The following C12orf42 variants were observed in gnomAD, a reference collection of about 807,000 sequenced individuals.
The protein encoded by C12orf42 is chromosome 12 open reading frame 42, also known as uncharacterized protein C12orf42.
C12orf42 carries 25 observed loss-of-function variants against 21.6 expected under a neutral mutation model. That is an observed-to-expected ratio of 1.16 (90% CI 0.84 to 1.62). The LOEUF is 1.62. Among genes scored for constraint, C12orf42 ranks in the 40% most tolerant of loss-of-function variants. The probability of loss-of-function intolerance (pLI) is 0.00; values close to 1 mark genes in which losing one functional copy is unlikely to be tolerated. For synonymous variants in C12orf42, 174 were observed against 175.0 expected, an observed-to-expected ratio of 0.99 and a Z score of 0.05; for missense variants, 483 against 459.3, an observed-to-expected ratio of 1.05 and a Z score of -0.47.
chr12:103,520,180 G>T, the C12orf42 span, among the ~76,000 whole-genome samples: 1 of 152,054 alleles, frequency 6.6e-6, no homozygotes, highest in African/African-American at 2.4e-5. Flanking sequence ...CCCTTATAAG[G>T]GAACAAACTA....
At chr12:103,526,978 G>A in the C12orf42 span, among the ~76,000 whole-genome samples, 1 of 152,172 alleles carries the variant, frequency 6.6e-6, no homozygotes, top group Non-Finnish European at 1.5e-5. Context: ...CAGGCTGTCT[G>A]TATTTGGCGT....
chr12:103,327,612 G>C (rs2136991607), intron 4 of C12orf42, among the ~76,000 whole-genome samples: 1 of 152,310 alleles, frequency 6.6e-6, no homozygotes, highest in Non-Finnish European at 1.5e-5. Flanking sequence ...ACAGAATTAA[G>C]ACCAGGTGTT....
At chr12:103,268,715 A>G (rs1303290698) in exon 7 of C12orf42, 3 of 152,156 alleles carry the variant, frequency 2.0e-5, no homozygotes. Context: ...GGCAATTGAT[A>G]ATAAGTTTAA....
the C12orf42 span, among the ~76,000 whole-genome samples, chr12:103,216,292 G>T: frequency 6.6e-6 from 1 of 152,130 alleles, no homozygotes; most frequent in Admixed American, 6.5e-5. Flanking sequence ...ATAATTATTT[G>T]TGTTCTGTTA....
chr12:103,295,428 C>A (rs926197930), intron 4 of C12orf42, among the ~76,000 whole-genome samples: 5 of 150,062 alleles, frequency 3.3e-5, no homozygotes, highest in Admixed American at 6.6e-5. Context: ...TTTTTTTTAA[C>A]ATATAACTTG....
At chr12:103,180,043 G>C in the C12orf42 span, among the ~76,000 whole-genome samples, 2 of 151,968 alleles carry the variant, frequency 1.3e-5, no homozygotes, top group African/African-American at 2.4e-5. Context: ...CAGTGGGACA[G>C]AGTTTAGGAG....
intron 3 of C12orf42, among the ~76,000 whole-genome samples, chr12:103,390,443 T>C (rs2046977181): frequency 6.6e-6 from 1 of 152,178 alleles, no homozygotes; most frequent in South Asian, 2.1e-4. Flanking sequence ...CATCCATTAA[T>C]CTATAACTCC....
At chr12:103,553,965 C>T in the C12orf42 span, among the ~76,000 whole-genome samples, 1 of 152,166 alleles carries the variant, frequency 6.6e-6, no homozygotes, top group Non-Finnish European at 1.5e-5. Flanking sequence ...AGAAGGAAGT[C>T]TCAGAAACAG....
the C12orf42 span, among the ~76,000 whole-genome samples, chr12:103,179,105 C>A: frequency 7.2e-4 from 110 of 152,214 alleles, no homozygotes; most frequent in African/African-American, 2.6e-3. Flanking sequence ...CTTTTTGGGG[C>A]CTATTTTAAT....
intron 1 of C12orf42, among the ~76,000 whole-genome samples, chr12:103,484,124 G>A (rs1408199323): frequency 1.3e-5 from 2 of 152,172 alleles, no homozygotes; most frequent in Non-Finnish European, 2.9e-5. Context: ...ATAATCATAT[G>A]TGTGCATGTG....
At chr12:103,498,021 C>A (rs1385386685), upstream of C12orf42, among the ~76,000 whole-genome samples, 1 of 150,218 alleles carries the variant, frequency 6.7e-6, no homozygotes, top group Non-Finnish European at 1.5e-5. Context: ...GGTGACAGAG[C>A]GAGACTCCAT....
intron 3 of C12orf42, among the ~76,000 whole-genome samples, chr12:103,398,901 A>T (rs2047754001): frequency 6.6e-6 from 1 of 151,986 alleles, no homozygotes; most frequent in Admixed American, 6.6e-5. Context: ...AAGTTCCCAT[A>T]TTTTGTTCTT....
intron 2 of C12orf42, among the ~76,000 whole-genome samples, chr12:103,447,014 T>A (rs1269972978): frequency 6.6e-6 from 1 of 151,964 alleles, no homozygotes; most frequent in Non-Finnish European, 1.5e-5. Flanking sequence ...CAAATGGACT[T>A]AACAGATATT....
At chr12:103,120,307 G>A in the C12orf42 span, among the ~76,000 whole-genome samples, 1 of 152,182 alleles carries the variant, frequency 6.6e-6, no homozygotes, top group African/African-American at 2.4e-5. Flanking sequence ...ACTTCTGCAT[G>A]TGAGCATTGT....
chr12:103,177,560 A>C, the C12orf42 span, among the ~76,000 whole-genome samples: 1 of 152,190 alleles, frequency 6.6e-6, no homozygotes, highest in Non-Finnish European at 1.5e-5. Flanking sequence ...GAAAGAAATC[A>C]TTGTGAAAGC....
At chr12:103,230,761 T>C in the C12orf42 span, among the ~76,000 whole-genome samples, 1 of 152,210 alleles carries the variant, frequency 6.6e-6, no homozygotes. Flanking sequence ...AACTTTTACT[T>C]TGTTGATTCT....
At chr12:103,426,714 T>C (rs1949840210) in intron 2 of C12orf42, among the ~76,000 whole-genome samples, 1 of 151,700 alleles carries the variant, frequency 6.6e-6, no homozygotes, top group South Asian at 2.1e-4. Context: ...GCCAGAAAAG[T>C]CAAGTTACCA....
intron 2 of C12orf42, among the ~76,000 whole-genome samples, chr12:103,464,848 T>C (rs1346503747): frequency 1.3e-5 from 2 of 152,202 alleles, no homozygotes; most frequent in Non-Finnish European, 2.9e-5. Flanking sequence ...CTTGGTTTTG[T>C]CAGGTTTGTC....
the C12orf42 span, chr12:103,178,162 C>G: frequency 6.6e-6 from 1 of 152,202 alleles, no homozygotes; most frequent in African/African-American, 2.4e-5. Context: ...AAGCCAACTT[C>G]TCCTGGCTGA....
Sources: gnomAD v4.1 joint callset for allele counts (sites outside exome capture counted in the v4.1 genomes callset) on GRCh38, gnomAD v4.1.1 for gene constraint, MANE v1.5 for transcripts, NCBI Gene and HGNC (gene_info 2026-07-23, HGNC 2026-07-21) for gene names.